The following LPCAT2 variants were observed in gnomAD, a reference collection of about 807,000 sequenced individuals.
The protein encoded by LPCAT2 is 1-AGP acyltransferase 11.
LPCAT2 carries 58 observed loss-of-function variants against 64.7 expected under a neutral mutation model. The observed-to-expected ratio is 0.90, with a 90% CI of 0.73 to 1.12. The LOEUF (loss-of-function observed/expected upper bound fraction) is 1.12. LPCAT2 is among the 50% of genes most tolerant of loss of function. LPCAT2 has a pLI of 0.00. For missense variants in LPCAT2, 579 were observed against 669.8 expected (o/e 0.86, Z 1.50); for synonymous variants, 252 against 245.3 (o/e 1.03, Z -0.26).
At chr16:55,534,307 A>G (rs893784969) in intron 6 of LPCAT2, 136 bp from the exon 7 acceptor site, 1 of 613,842 alleles carries the variant, frequency 1.6e-6, no homozygotes. Context: ...TTTAACAATA[A>G]TGTATTTATT....
chr16:55,519,271 T>G (rs1963057970), intron 1 of LPCAT2, among the ~76,000 whole-genome samples: 1 of 150,014 alleles, frequency 6.7e-6, no homozygotes. Flanking sequence ...GAGGCCGAGG[T>G]GGGCGGATCA....
chr16:55,523,865 C>T (rs766750319), intron 1 of LPCAT2, among the ~76,000 whole-genome samples: 14 of 151,742 alleles, frequency 9.2e-5, no homozygotes, highest in African/African-American at 1.7e-4. Context: ...ATTTGAAAAA[C>T]TCATAATCTA....
intron 11 of LPCAT2, among the ~76,000 whole-genome samples, chr16:55,572,034 A>G (rs1473454808): frequency 6.6e-6 from 1 of 152,160 alleles, no homozygotes; most frequent in African/African-American, 2.4e-5. Flanking sequence ...AGTAATTTCC[A>G]TGCTGCTTTT....
chr16:55,582,660 T>C (rs765742944), intron 13 of LPCAT2, among the ~76,000 whole-genome samples: 2 of 152,146 alleles, frequency 1.3e-5, no homozygotes, highest in African/African-American at 2.4e-5. Context: ...GAGCACAATA[T>C]GCACAAATTT....
chr16:55,542,026 A>G, intron 8 of LPCAT2: 2 of 1,076,094 alleles, frequency 1.9e-6, no homozygotes, highest in South Asian at 1.7e-5. Flanking sequence ...TTATAGTGTC[A>G]TAATTCTTCA....
rs776459253 is a variant in LPCAT2, at chr16:55,566,749, C to T, written c.1216-7882C>T. The T allele has an allele frequency of 1.9e-6, 3 of 1,596,220 alleles. No individual in the cohort carries two copies. The African/African-American group carries it at 4.0e-5, about 22-fold the overall frequency. ...ATTGCTGCCGCATTTGCTTGTTAAA[C>T]TGAAAGCATGTTTCTTGCAAAGGCT... is the stretch of plus-strand genomic sequence containing the variant. On this transcript the variant is annotated intron_variant, in intron 11 of 13. Coordinates refer to ENST00000262134, the MANE Select transcript of LPCAT2 (RefSeq NM_017839.5).
Position 55,529,913 on chromosome 16 carries a change from T to C in LPCAT2, c.608T>C (p.Ile203Thr), listed in dbSNP as rs1309566579. Residue 203 changes from isoleucine to threonine, a missense_variant, in exon 4 of 14, where the codon ATA (isoleucine) becomes ACA (threonine). Transcript: ENST00000262134. ...DSRKNTINEI[I>T]KRTTSGGEWP... The stretch of plus-strand genomic sequence containing the variant: ...CGAAAAAACACAATAAATGAAATAA[T>C]AAAGCGAACAACATCAGGAGGAGAA... 9 of 1,611,882 alleles carry C rather than the reference T, an allele frequency of 5.6e-6. No homozygotes were observed. Among genetic ancestry groups the C allele is most frequent in the Non-Finnish European group, 7.6e-6 (9 of 1,179,238 alleles).
intron 1 of LPCAT2, among the ~76,000 whole-genome samples, chr16:55,509,787 C>G (rs1214664920): frequency 1.3e-5 from 2 of 151,748 alleles, no homozygotes; most frequent in Admixed American, 6.6e-5. Context: ...TGAGCGGGCA[C>G]GGGAGGAGAG....
At position 55,547,947 on chromosome 16, in the gene LPCAT2, T is replaced by C. The variant is rs901946582; in HGVS notation, c.936-1330T>C. Among the ~76,000 whole-genome samples, 14 of 152,104 alleles carry C rather than the reference T, an allele frequency of 9.2e-5. 1 individual carries two copies. Among genetic ancestry groups the C allele is most frequent in the Admixed American group, 3.9e-4 (6 of 15,272 alleles). On this transcript the variant is annotated intron_variant, in intron 9 of 13. Transcript: ENST00000262134. Reference sequence around the variant, plus strand: ...CATGCTCAGCTAATTTTTGTATTTTTAGTAGAGATGGGGTTTCGCCATGTT... The same window carrying C: ...CATGCTCAGCTAATTTTTGTATTTTCAGTAGAGATGGGGTTTCGCCATGTT...
intron 8 of LPCAT2, among the ~76,000 whole-genome samples, chr16:55,537,936 G>A (rs2142388326): frequency 6.6e-6 from 1 of 152,276 alleles, no homozygotes; most frequent in South Asian, 2.1e-4. Context: ...CTGACAAAAG[G>A]AACTGACCAT....
chr16:55,534,517 AT>A, intron 7 of LPCAT2, 40 bp downstream of exon 7: 1 of 969,540 alleles, frequency 1.0e-6, no homozygotes, highest in Non-Finnish European at 1.5e-6. Flanking sequence ...TATAAATTTT[AT>A]TTTAGTGAAG....
intron 13 of LPCAT2, among the ~76,000 whole-genome samples, chr16:55,579,862 T>C (rs1158538810): frequency 1.3e-5 from 2 of 152,222 alleles, no homozygotes; most frequent in Admixed American, 6.5e-5. Flanking sequence ...GAGAAAGACC[T>C]TGTGGCAAAG....
rs1176353241 is a variant in LPCAT2 at position 55,543,960 on chromosome 16, C to T, written c.853-1775C>T. The stretch of plus-strand genomic sequence containing the variant: ...TAGCACATTATTCTATAATTCCATA[C>T]ATTTTATCTTAAAAAGGCAACTTGC... On this transcript the variant is annotated intron_variant, in intron 8 of 13. Coordinates refer to ENST00000262134, the MANE Select transcript of LPCAT2 (RefSeq NM_017839.5). Among the ~76,000 whole-genome samples, 3 of 152,188 alleles carry T rather than the reference C, an allele frequency of 2.0e-5. No homozygotes were observed. In the East Asian group the frequency reaches 5.8e-4, roughly 29 times the overall value.
At chr16:55,578,913 T>G in intron 12 of LPCAT2, 196 bp from the exon 13 acceptor site, 2 of 567,744 alleles carry the variant, frequency 3.5e-6, no homozygotes, top group South Asian at 2.1e-5. Context: ...TTGGTATAGC[T>G]CCTGTTTTAA....
chr16:55,541,861 A>C lies in LPCAT2; in HGVS notation c.853-3874A>C, dbSNP rs149277959. ...AGATGTTTCTGTTCTTTTGGGAAGG[A>C]AGCAGCAAGCATTGTTTAAAAATAT... On this transcript the variant is annotated intron_variant, in intron 8 of 13. Coordinates refer to ENST00000262134, the MANE Select transcript of LPCAT2 (RefSeq NM_017839.5). 1.1e-3 allele frequency: 1,370 copies of C among 1,287,264 alleles called. 11 individuals carry two copies. The African/African-American group carries it at 0.018, about 17-fold the overall frequency. 79.7% of individuals were successfully genotyped at this position (1,287,264 alleles called of 1,614,324 possible).
At chr16:55,567,581 C>T (rs1282481489) in intron 11 of LPCAT2, 8 of 1,400,400 alleles carry the variant, frequency 5.7e-6, no homozygotes, top group Non-Finnish European at 7.8e-6. Context: ...GTTGCTGATA[C>T]CCTGTGCAAC....
In LPCAT2 at chr16:55,535,700, C is replaced by T. The variant is rs3785164; in HGVS notation, c.797+1223C>T. Among the ~76,000 whole-genome samples the T allele has an allele frequency of 1.8e-3, 279 of 152,190 alleles. 5 individuals carry two copies. In the East Asian group the frequency reaches 0.025, roughly 14 times the overall value. On this transcript the variant is annotated intron_variant, in intron 7 of 13. Coordinates refer to ENST00000262134, the MANE Select transcript of LPCAT2 (RefSeq NM_017839.5). ...GGTAGTATGAAAGTATTTGGGAAAA[C>T]GAAGTGCCTTAACAATGGATGCATA...
At chr16:55,564,541 T>TACAAGG (rs1963670877) in intron 11 of LPCAT2, among the ~76,000 whole-genome samples, 1 of 151,902 alleles carries the variant, frequency 6.6e-6, no homozygotes, top group African/African-American at 2.4e-5. Flanking sequence ...AAGAAACCCT[T>TACAAGG]GTGTATATGG....
chr16:55,537,687 T>A, intron 8 of LPCAT2, 55 bp downstream of exon 8: 1 of 1,482,256 alleles, frequency 6.7e-7, no homozygotes. Flanking sequence ...TCCTTTAATT[T>A]TGAACCTCTA....
Sources: gnomAD v4.1 joint callset for allele counts (sites outside exome capture counted in the v4.1 genomes callset) on GRCh38, gnomAD v4.1.1 for gene constraint, MANE v1.5 for transcripts, NCBI Gene and HGNC (gene_info 2026-07-23, HGNC 2026-07-21) for gene names.